KIRREL3: variants seen among roughly 807,000 people sequenced by gnomAD.
The protein encoded by KIRREL3 is kin of IRRE-like protein 3.
In KIRREL3, 36 loss-of-function variants were observed where a neutral mutation model predicts 89.7. That is an observed-to-expected ratio of 0.40 (90% CI 0.31 to 0.53). KIRREL3 has a LOEUF of 0.53. Among genes scored for constraint, KIRREL3 ranks in the 20% least tolerant of loss-of-function variants. KIRREL3 has a pLI of 0.49. For missense variants in KIRREL3, 864 were observed against 1,056.6 expected, an observed-to-expected ratio of 0.82 and a Z score of 2.53; for synonymous variants, 445 against 441.4, an observed-to-expected ratio of 1.01 and a Z score of -0.10.
chr11:126,577,494 C>T (rs1338355242), intron 1 of KIRREL3, among the ~76,000 whole-genome samples: 1 of 151,678 alleles, frequency 6.6e-6, no homozygotes, highest in Non-Finnish European at 1.5e-5. Flanking sequence ...TGCTTGTAAT[C>T]CCAGCACTTT....
At chr11:126,540,805 G>C (rs542548098) in intron 2 of KIRREL3, among the ~76,000 whole-genome samples, 1 of 152,312 alleles carries the variant, frequency 6.6e-6, no homozygotes, top group East Asian at 1.9e-4. Context: ...GGAGATGCTC[G>C]ACAGCGCATG....
At chr11:126,859,278 C>T (rs993673045) in intron 1 of KIRREL3, among the ~76,000 whole-genome samples, 33 of 152,296 alleles carry the variant, frequency 2.2e-4, no homozygotes, top group African/African-American at 7.7e-4. Context: ...TTAATTCTCA[C>T]GATGGGCCCA....
Position 126,558,424 on chromosome 11 carries a change from G to T in KIRREL3, c.133+4411C>A, listed in dbSNP as rs929926718. On this transcript the variant is annotated intron_variant, in intron 2 of 16. Coordinates refer to ENST00000525144, the MANE Select transcript of KIRREL3 (RefSeq NM_032531.4). The surrounding 1 kb of genome is among the most constrained non-coding windows in gnomAD (Gnocchi z 4.0). ...CCACCCTGAAAAATGAAACCAAGCT[G>T]AAGTGTTAGAGGCTTTCCCTCTGCT... 6.6e-6 allele frequency among the ~76,000 whole-genome samples: 1 copy of T among 152,112 alleles called. No homozygotes were observed. Among genetic ancestry groups the T allele is most frequent in the Admixed American group, 6.5e-5 (1 of 15,270 alleles).
chr11:126,767,604 A>T (rs1949866625), intron 1 of KIRREL3, among the ~76,000 whole-genome samples: 1 of 151,942 alleles, frequency 6.6e-6, no homozygotes, highest in Non-Finnish European at 1.5e-5. Flanking sequence ...TATGTGAAGC[A>T]CCTTGCCCAG....
rs751969225 is a variant in KIRREL3 at position 126,643,912 on chromosome 11, C to T, written c.56-81000G>A. On this transcript the variant is annotated intron_variant, in intron 1 of 16. Coordinates refer to ENST00000525144, the MANE Select transcript of KIRREL3 (RefSeq NM_032531.4). This position sits in a 1 kb window ranked among gnomAD's most constrained non-coding sequence, Gnocchi z 4.5. Reference sequence around the variant, plus strand: ...AAAGATCATGATGTCAACTCTAGCTCGAGAACACAGAGAAAAGGCAAGAGT... The same window carrying T: ...AAAGATCATGATGTCAACTCTAGCTTGAGAACACAGAGAAAAGGCAAGAGT... Among the ~76,000 whole-genome samples, 4 of 152,082 alleles carry T rather than the reference C, an allele frequency of 2.6e-5. No homozygotes were observed. The highest frequency in any genetic ancestry group is 4.4e-5 in the Non-Finnish European group (3 of 68,026).
chr11:126,633,080 T>TA (rs1299903753), intron 1 of KIRREL3, among the ~76,000 whole-genome samples: 6 of 151,766 alleles, frequency 4.0e-5, no homozygotes, highest in Non-Finnish European at 2.9e-5. Flanking sequence ...AGACCCTGTC[T>TA]AAAAAAAATA....
chr11:126,743,069 G>T (rs576753894), intron 1 of KIRREL3, among the ~76,000 whole-genome samples: 4 of 152,312 alleles, frequency 2.6e-5, no homozygotes, highest in African/African-American at 9.6e-5. Flanking sequence ...CCCTTAGACA[G>T]GGCAGATGGA....
At position 126,816,763 on chromosome 11, in the gene KIRREL3, T is replaced by A. The variant is rs575254248; in HGVS notation, c.55+183692A>T. ...GGCTCTTCTTTGCGCCAAAGCCTGG[T>A]CTCCATGTTGTTACAGACCAAAGCC... is the stretch of plus-strand genomic sequence containing the variant. On this transcript the variant is annotated intron_variant, in intron 1 of 16. Transcript: ENST00000525144. Among the ~76,000 whole-genome samples the A allele has an allele frequency of 6.6e-5, 10 of 152,244 alleles. No individual in the cohort carries two copies. The South Asian group carries it at 1.2e-3, about 19-fold the overall frequency.
Position 126,814,047 on chromosome 11 carries a change from G to A in KIRREL3, c.55+186408C>T, listed in dbSNP as rs954489471. On this transcript the variant is annotated intron_variant, in intron 1 of 16. Transcript: ENST00000525144. This position sits in a 1 kb window ranked among gnomAD's most constrained non-coding sequence, Gnocchi z 4.4. ...AGGTCTAATATCCAGAGTCTACAAGGAACTTAAATTTACAAGAAAAAAAAA... is the reference window on the plus strand; with the variant it reads ...AGGTCTAATATCCAGAGTCTACAAGAAACTTAAATTTACAAGAAAAAAAAA... Among the ~76,000 whole-genome samples, 1 of 151,462 alleles carries A rather than the reference G, an allele frequency of 6.6e-6. No homozygotes were observed. The highest frequency in any genetic ancestry group is 2.4e-5 in the African/African-American group (1 of 41,178).
intron 1 of KIRREL3, among the ~76,000 whole-genome samples, chr11:126,957,987 A>G (rs1441428898): frequency 1.3e-5 from 2 of 152,236 alleles, no homozygotes. Flanking sequence ...TTCAAGGCAC[A>G]ATGAAAAATG....
In KIRREL3 at chr11:126,906,047, G is replaced by A. The variant is rs566725806; in HGVS notation, c.55+94408C>T. Among the ~76,000 whole-genome samples the A allele has an allele frequency of 2.5e-3, 378 of 152,312 alleles. 9 individuals carry two copies. The highest frequency in any genetic ancestry group is 0.025 in the Admixed American group (376 of 15,298). On this transcript the variant is annotated intron_variant, in intron 1 of 16. Coordinates refer to ENST00000525144, the MANE Select transcript of KIRREL3 (RefSeq NM_032531.4). The surrounding 1 kb of genome is among the most constrained non-coding windows in gnomAD (Gnocchi z 4.1). ...GATGCTTTGTAGAACAAAATGCCAG[G>A]CCGACTTCAAGGCCGGGAGGTGTGC... is the stretch of plus-strand genomic sequence containing the variant.
At position 126,791,794 on chromosome 11, in the gene KIRREL3, C is replaced by G. The variant is rs554727408; in HGVS notation, c.55+208661G>C. On this transcript the variant is annotated intron_variant, in intron 1 of 16. Transcript: ENST00000525144. The surrounding 1 kb of genome is among the most constrained non-coding windows in gnomAD (Gnocchi z 4.8). ...AGAAGACTTCCTTTGCTTGTAGACA[C>G]CTTTTAGCAGGTGGAGGGACAGTTG... 6.6e-6 allele frequency among the ~76,000 whole-genome samples: 1 copy of G among 152,282 alleles called. No homozygotes were observed. The highest frequency in any genetic ancestry group is 1.9e-4 in the East Asian group (1 of 5,182).
rs758114924 is a variant in KIRREL3, at chr11:126,788,053, T to A, written c.55+212402A>T. ...AGGTCAAGTCAATTGCCCCAGCTGA[T>A]CCATGACCAACTTGGTAGCCCGGCT... On this transcript the variant is annotated intron_variant, in intron 1 of 16. Transcript: ENST00000525144. This position sits in a 1 kb window ranked among gnomAD's most constrained non-coding sequence, Gnocchi z 4.1. 6.6e-6 allele frequency among the ~76,000 whole-genome samples: 1 copy of A among 152,150 alleles called. No homozygotes were observed. Among genetic ancestry groups the A allele is most frequent in the Non-Finnish European group, 1.5e-5 (1 of 68,028 alleles).
rs775233737 is a variant in KIRREL3 at position 126,431,402 on chromosome 11, G to A, written c.1696+17C>T. 19 of 1,613,582 alleles carry A rather than the reference G, an allele frequency of 1.2e-5. No individual in the cohort carries two copies. The highest frequency in any genetic ancestry group is 4.5e-5 in the East Asian group (2 of 44,888). On this transcript the variant is annotated intron_variant, in intron 14 of 16. Coordinates refer to ENST00000525144, the MANE Select transcript of KIRREL3 (RefSeq NM_032531.4). The surrounding 1 kb of genome is among the most constrained non-coding windows in gnomAD (Gnocchi z 7.1). ...TCTCTGTCCCCCTCCCTGAGATCCC[G>A]GATCTCCCTCCCGTACTTCTCTGGG...
Position 126,774,183 on chromosome 11 carries a change from T to A in KIRREL3, c.56-211271A>T, listed in dbSNP as rs201015497. Among the ~76,000 whole-genome samples the A allele has an allele frequency of 5.8e-3, 607 of 105,134 alleles. 6 individuals are homozygous for A. Among genetic ancestry groups the A allele is most frequent in the African/African-American group, 0.022 (571 of 26,140 alleles). 69.0% of individuals were successfully genotyped at this position (105,134 alleles called of 152,430 possible). On this transcript the variant is annotated intron_variant, in intron 1 of 16. Transcript: ENST00000525144. ...GTAAAGCTTTTTTTTTTTTTTTTTTTAAATAAATGAATTGGGATAGGAAGT... is the reference window on the plus strand; with the variant it reads ...GTAAAGCTTTTTTTTTTTTTTTTTTAAAATAAATGAATTGGGATAGGAAGT...
Position 126,531,443 on chromosome 11 carries a change from C to A in KIRREL3, c.134-4756G>T, listed in dbSNP as rs1208709648. 6.6e-6 allele frequency among the ~76,000 whole-genome samples: 1 copy of A among 152,154 alleles called. No individual in the cohort carries two copies. The highest frequency in any genetic ancestry group is 2.4e-5 in the African/African-American group (1 of 41,436). On this transcript the variant is annotated intron_variant, in intron 2 of 16. Transcript: ENST00000525144. This position sits in a 1 kb window ranked among gnomAD's most constrained non-coding sequence, Gnocchi z 4.7. Reference sequence around the variant, plus strand: ...ATGCTGGATTCTAATCTCCAAAATCCAGCTCCTTTTCTTCCTGGGAGCTCC... The same window carrying A: ...ATGCTGGATTCTAATCTCCAAAATCAAGCTCCTTTTCTTCCTGGGAGCTCC...
At position 126,877,220 on chromosome 11, in the gene KIRREL3, A is replaced by T. The variant is rs1295712694; in HGVS notation, c.55+123235T>A. Among the ~76,000 whole-genome samples the T allele has an allele frequency of 6.6e-6, 1 of 152,218 alleles. No homozygotes were observed. The highest frequency in any genetic ancestry group is 1.5e-5 in the Non-Finnish European group (1 of 68,038). On this transcript the variant is annotated intron_variant, in intron 1 of 16. Coordinates refer to ENST00000525144, the MANE Select transcript of KIRREL3 (RefSeq NM_032531.4). This position sits in a 1 kb window ranked among gnomAD's most constrained non-coding sequence, Gnocchi z 4.9. ...AGTTGACAGCCAGTGGCACGAATCC[A>T]CTGGTGAGAAGAGTTCTCTTCTCCA...
rs936703637 is a variant in KIRREL3 at position 126,761,108 on chromosome 11, C to A, written c.56-198196G>T. ...GAATGGGTGTGGAGGTGGCTCACTT[C>A]CTCCTGCCTGCTTCTTCTGAAGAAT... is the stretch of plus-strand genomic sequence containing the variant. On this transcript the variant is annotated intron_variant, in intron 1 of 16. Coordinates refer to ENST00000525144, the MANE Select transcript of KIRREL3 (RefSeq NM_032531.4). The surrounding 1 kb of genome is among the most constrained non-coding windows in gnomAD (Gnocchi z 4.4). Among the ~76,000 whole-genome samples the A allele has an allele frequency of 6.6e-6, 1 of 152,198 alleles. No individual in the cohort carries two copies. Among genetic ancestry groups the A allele is most frequent in the Non-Finnish European group, 1.5e-5 (1 of 68,028 alleles).
In KIRREL3 at chr11:126,685,824, C is replaced by T. The variant is rs1048767657; in HGVS notation, c.56-122912G>A. Among the ~76,000 whole-genome samples the T allele has an allele frequency of 3.9e-5, 6 of 152,222 alleles. No homozygotes were observed. Among genetic ancestry groups the T allele is most frequent in the Non-Finnish European group, 1.5e-5 (1 of 68,032 alleles). On this transcript the variant is annotated intron_variant, in intron 1 of 16. Transcript: ENST00000525144. This position sits in a 1 kb window ranked among gnomAD's most constrained non-coding sequence, Gnocchi z 5.5. ...TGATGTTTGCCAGAGTGGCTCCACG[C>T]CCCTTGGGGGCAGATGGCCGACCCA...
Sources: gnomAD v4.1 joint callset for allele counts (sites outside exome capture counted in the v4.1 genomes callset) on GRCh38, gnomAD v4.1.1 for gene constraint, Gnocchi (gnomAD v3.1) non-coding constraint, MANE v1.5 for transcripts, NCBI Gene and HGNC (gene_info 2026-07-23, HGNC 2026-07-21) for gene names.